SPATA7: variants seen among roughly 807,000 people sequenced by gnomAD.
The protein encoded by SPATA7 is spermatogenesis associated 7.
A neutral mutation model predicts 51.8 loss-of-function variants in SPATA7; 43 were observed. The ratio of observed to expected loss-of-function variants is 0.83; its 90% CI spans 0.65 to 1.07. The LOEUF is 1.07. Among genes scored for constraint, SPATA7 ranks in the 50% least tolerant of loss-of-function variants. SPATA7 has a pLI of 0.00. For synonymous variants in SPATA7, 230 were observed against 252.8 expected (o/e 0.91, Z 0.86); for missense variants, 683 against 701.3 (o/e 0.97, Z 0.30).
chr14:88,412,222 CTT>C (rs58818266), intron 4 of SPATA7, among the ~76,000 whole-genome samples: 3 of 135,010 alleles, frequency 2.2e-5, no homozygotes, highest in East Asian at 2.1e-4. Flanking sequence ...TTTCTTCTTG[CTT>C]TTTTTTTTTT....
intron 3 of SPATA7, among the ~76,000 whole-genome samples, chr14:88,445,413 C>A (rs1232399661): frequency 6.6e-6 from 1 of 152,156 alleles, no homozygotes; most frequent in South Asian, 2.1e-4. Flanking sequence ...TCTAGATATA[C>A]AATCATGTCA....
chr14:88,469,538 G>T lies in SPATA7; in HGVS notation c.255-309G>T. ...AGGTCTTCTGGACAGCCATGTTCAG[G>T]CCAGTCTGTGTATTGGAGGTGCCAG... On this transcript the variant is annotated intron_variant, in intron 4 of 4. Transcript: ENST00000556406. The surrounding 1 kb of genome is among the most constrained non-coding windows in gnomAD (Gnocchi z 4.3). 2 of 1,614,140 alleles carry T rather than the reference G, an allele frequency of 1.2e-6. No homozygotes were observed. Among genetic ancestry groups the T allele is most frequent in the Non-Finnish European group, 1.7e-6 (2 of 1,180,016 alleles).
Position 88,391,473 on chromosome 14 carries a change from A to G in SPATA7, c.94+18A>G. 6.2e-7 allele frequency: 1 copy of G among 1,606,732 alleles called. No individual in the cohort carries two copies. Among genetic ancestry groups the G allele is most frequent in the Non-Finnish European group, 8.5e-7 (1 of 1,173,716 alleles). ...AAGTAATGGTAAGTGAGGTGCTTAA[A>G]ACGGCAGCTTTGTTAGAAGATTGTC... On this transcript the variant is annotated intron_variant, in intron 2 of 11. Coordinates refer to ENST00000393545, the MANE Select transcript of SPATA7 (RefSeq NM_018418.5).
At chr14:88,424,170 C>T (rs1353257907) in intron 5 of SPATA7, among the ~76,000 whole-genome samples, 2 of 152,116 alleles carry the variant, frequency 1.3e-5, no homozygotes, top group African/African-American at 4.8e-5. Flanking sequence ...TTACAGTGAT[C>T]TGCTGTTCAT....
chr14:88,454,265 C>G (rs540225862), intron 3 of SPATA7, among the ~76,000 whole-genome samples: 6 of 152,288 alleles, frequency 3.9e-5, no homozygotes, highest in African/African-American at 1.4e-4. Flanking sequence ...CTTGTGGCAT[C>G]TTCCTCCATT....
chr14:88,424,575 C>T (rs1380183853), intron 5 of SPATA7, among the ~76,000 whole-genome samples: 1 of 152,080 alleles, frequency 6.6e-6, no homozygotes, highest in Non-Finnish European at 1.5e-5. Context: ...TTGTGCTGTT[C>T]TTCTAAGTGT....
At chr14:88,406,645 TGGGATACATGTGCAGAACATGC>T (rs973351372) in intron 4 of SPATA7, 2 of 152,584 alleles carry the variant, frequency 1.3e-5, no homozygotes, top group African/African-American at 4.8e-5. Flanking sequence ...CGTTAAGTTC[TGGGATACATGTGCAGAACATGC>T]AGGTTTGTTA....
At chr14:88,414,748 GT>G in intron 4 of SPATA7, 1 of 333,170 alleles carries the variant, frequency 3.0e-6, no homozygotes, top group South Asian at 2.4e-5. Context: ...TTGTGTTTCT[GT>G]TTTTATTTAT....
chr14:88,470,160 A>G (rs2077437901), exon 5 of SPATA7: 1 of 990,246 alleles, frequency 1.0e-6, no homozygotes, highest in Non-Finnish European at 1.5e-6. Context: ...AGTAAAAAGT[A>G]AAAAAGTAGT....
chr14:88,439,630 T>C (rs1425738748), downstream of SPATA7, among the ~76,000 whole-genome samples: 1 of 151,962 alleles, frequency 6.6e-6, no homozygotes, highest in Non-Finnish European at 1.5e-5. Flanking sequence ...TTAACTCGGG[T>C]TTTTATCATC....
At chr14:88,434,622 G>T (rs1173626447) in intron 10 of SPATA7, among the ~76,000 whole-genome samples, 3 of 151,222 alleles carry the variant, frequency 2.0e-5, no homozygotes, top group Non-Finnish European at 2.9e-5. Context: ...CAAGGCGGAG[G>T]TTGCAGTGAG....
chr14:88,395,569 G>A (rs2075857961), intron 3 of SPATA7, among the ~76,000 whole-genome samples: 1 of 151,926 alleles, frequency 6.6e-6, no homozygotes, highest in East Asian at 1.9e-4. Flanking sequence ...GATCCATTTT[G>A]AGTTAGTTTT....
chr14:88,393,451 C>G lies in SPATA7; in HGVS notation c.153C>G (p.His51Gln). The G allele has an allele frequency of 1.2e-6, 2 of 1,605,304 alleles. No homozygotes were observed. Among genetic ancestry groups the G allele is most frequent in the Admixed American group, 3.4e-5 (2 of 59,244 alleles). ...RLSTLQLVKN[H>Q]MAVHYNKILS... ...GCACTCTCCAGCTGGTCAAGAATCA[C>G]ATGGCTGTTCACTATAATAAAATCC... Residue 51 changes from histidine to glutamine, a missense_variant, in exon 3 of 12, where the codon CAC becomes CAG. Coordinates refer to ENST00000393545, the MANE Select transcript of SPATA7 (RefSeq NM_018418.5).
intron 4 of SPATA7, chr14:88,406,846 A>T (rs1163078055): frequency 6.6e-6 from 1 of 152,146 alleles, no homozygotes; most frequent in Non-Finnish European, 1.5e-5. Flanking sequence ...CTTATGAGTG[A>T]GAACATGCAG....
At chr14:88,460,366 C>A (rs1446037765) in intron 4 of SPATA7, among the ~76,000 whole-genome samples, 1 of 151,688 alleles carries the variant, frequency 6.6e-6, no homozygotes, top group East Asian at 1.9e-4. Context: ...TAAATTTGGT[C>A]TTTTCACATA....
intron 1 of SPATA7, among the ~76,000 whole-genome samples, chr14:88,390,501 A>G (rs2075712663): frequency 6.6e-6 from 1 of 152,158 alleles, no homozygotes; most frequent in South Asian, 2.1e-4. Flanking sequence ...TACCTTTCCT[A>G]ATAGTTCCTG....
chr14:88,453,909 C>T (rs2077267531), intron 3 of SPATA7, among the ~76,000 whole-genome samples: 2 of 152,140 alleles, frequency 1.3e-5, no homozygotes, highest in South Asian at 2.1e-4. Context: ...GAAAGTTTTG[C>T]ACCAAGGCTA....
chr14:88,455,349 G>A (rs2077277338), downstream of SPATA7: 4 of 198,948 alleles, frequency 2.0e-5, no homozygotes, highest in East Asian at 1.2e-4. Flanking sequence ...TCTCTTGCCT[G>A]GTACATTATT....
intron 4 of SPATA7, among the ~76,000 whole-genome samples, chr14:88,401,108 A>G (rs1044876276): frequency 6.6e-6 from 1 of 152,220 alleles, no homozygotes; most frequent in Admixed American, 6.5e-5. Flanking sequence ...GTAAAATACC[A>G]GCAAACTGAA....
Sources: allele counts gnomAD v4.1 joint callset (sites outside exome capture counted in the v4.1 genomes callset), GRCh38; gene constraint gnomAD v4.1.1; non-coding constraint Gnocchi (gnomAD v3.1); transcripts MANE v1.5; gene names NCBI Gene and HGNC (gene_info 2026-07-23, HGNC 2026-07-21).